Variants in PIK3R3 observed in about 807,000 individuals in gnomAD.
PIK3R3 encodes phosphoinositide-3-kinase regulatory subunit 3.
In PIK3R3, 64 loss-of-function variants were observed where a neutral mutation model predicts 62.9. The observed-to-expected ratio is 1.02, with a 90% confidence interval of 0.83 to 1.25. The LOEUF (loss-of-function observed/expected upper bound fraction) is 1.25, where lower values mean the gene tolerates loss of function less well. Among genes scored for constraint, PIK3R3 ranks in the 50% most tolerant of loss-of-function variants. PIK3R3 has a pLI of 0.00. For missense variants in PIK3R3, 614 were observed against 561.6 expected (o/e 1.09, Z -0.94); for synonymous variants, 165 against 189.0 (o/e 0.87, Z 1.04).
the PIK3R3 span, among the ~76,000 whole-genome samples, chr1:46,149,734 T>C: frequency 6.6e-6 from 1 of 152,102 alleles, no homozygotes; most frequent in Non-Finnish European, 1.5e-5. Flanking sequence ...TTTCGCCAAG[T>C]TGGCCAGGCT....
chr1:46,120,406 T>C (rs1654561438), intron 1 of PIK3R3, among the ~76,000 whole-genome samples: 1 of 152,006 alleles, frequency 6.6e-6, no homozygotes, highest in Non-Finnish European at 1.5e-5. Flanking sequence ...TGAAACCACA[T>C]CTCTACTAAA....
chr1:46,118,871 C>T (rs971156751), intron 1 of PIK3R3, among the ~76,000 whole-genome samples: 2 of 151,780 alleles, frequency 1.3e-5, no homozygotes, highest in Non-Finnish European at 2.9e-5. Flanking sequence ...TCTTTTTTTA[C>T]TACTTTCCCC....
At chr1:46,089,384 G>T (rs182805249) in intron 1 of PIK3R3, among the ~76,000 whole-genome samples, 19 of 152,224 alleles carry the variant, frequency 1.2e-4, no homozygotes, top group Admixed American at 2.6e-4. Context: ...ATATGGCTCT[G>T]TCAGAACCAT....
chr1:46,109,456 G>A (rs889052896), intron 1 of PIK3R3, among the ~76,000 whole-genome samples: 1 of 151,746 alleles, frequency 6.6e-6, no homozygotes, highest in Non-Finnish European at 1.5e-5. Flanking sequence ...ATCTCTACCC[G>A]GCTTACCAGA....
chr1:46,146,165 A>G, the PIK3R3 span, among the ~76,000 whole-genome samples: 1 of 152,186 alleles, frequency 6.6e-6, no homozygotes, highest in Non-Finnish European at 1.5e-5. Context: ...AAGAATCCTA[A>G]GTTCCCTTTA....
intron 3 of PIK3R3, among the ~76,000 whole-genome samples, chr1:46,072,486 G>A (rs1649629601): frequency 6.6e-6 from 1 of 152,174 alleles, no homozygotes; most frequent in African/African-American, 2.4e-5. Context: ...ATAGATACAT[G>A]AAAACTTTCA....
chr1:46,045,252 C>A (rs1647078882), intron 9 of PIK3R3, among the ~76,000 whole-genome samples: 1 of 152,170 alleles, frequency 6.6e-6, no homozygotes, highest in South Asian at 2.1e-4. Context: ...GAGCCAGGAG[C>A]TGAACCCAGT....
intron 8 of PIK3R3, 22 bp from the exon 9 acceptor site, chr1:46,046,110 A>G (rs756720781): frequency 7.2e-7 from 1 of 1,385,730 alleles, no homozygotes; most frequent in Non-Finnish European, 1.0e-6. Flanking sequence ...ATATTAGTAT[A>G]TTATTCTAAC....
intron 1 of PIK3R3, among the ~76,000 whole-genome samples, chr1:46,100,012 T>C (rs950186210): frequency 1.3e-5 from 2 of 152,326 alleles, no homozygotes; most frequent in South Asian, 4.1e-4. Flanking sequence ...GTCTTATTAT[T>C]ATTACTGGTT....
chr1:46,054,268 C>T (rs1350440375), intron 7 of PIK3R3, among the ~76,000 whole-genome samples: 1 of 151,870 alleles, frequency 6.6e-6, no homozygotes. Context: ...GTGGTGCATG[C>T]CTGTATTCCC....
At chr1:46,146,226 T>C in the PIK3R3 span, among the ~76,000 whole-genome samples, 1 of 152,026 alleles carries the variant, frequency 6.6e-6, no homozygotes, top group African/African-American at 2.4e-5. Flanking sequence ...GATCCCAGAG[T>C]AGTACCTGGG....
rs111318729 is a variant in PIK3R3 at position 46,125,648 on chromosome 1, C to T, written c.106+6199G>A. Among the ~76,000 whole-genome samples the T allele has an allele frequency of 1.5e-3, 234 of 152,234 alleles. 4 individuals carry two copies. The highest frequency in any genetic ancestry group is 5.5e-3 in the African/African-American group (230 of 41,546). On this transcript the variant is annotated intron_variant, in intron 1 of 9. Coordinates refer to ENST00000262741, the MANE Select transcript of PIK3R3 (RefSeq NM_003629.4). Reference sequence around the variant, plus strand: ...GTCAAGGTAAGCAAATAAGCTTCTTCGAAACCACCTTTGTGTCTGGCTTCA... The same window carrying T: ...GTCAAGGTAAGCAAATAAGCTTCTTTGAAACCACCTTTGTGTCTGGCTTCA...
intron 3 of PIK3R3, among the ~76,000 whole-genome samples, chr1:46,072,651 A>G (rs1310207513): frequency 6.6e-6 from 1 of 152,212 alleles, no homozygotes; most frequent in Non-Finnish European, 1.5e-5. Context: ...ATATTCATCT[A>G]TTAAATAAGT....
At chr1:46,068,707 C>T (rs1036373665) in intron 3 of PIK3R3, among the ~76,000 whole-genome samples, 2 of 152,074 alleles carry the variant, frequency 1.3e-5, no homozygotes, top group African/African-American at 4.8e-5. Context: ...TTGGCATGTT[C>T]GAGGAACAGC....
intron 1 of PIK3R3, among the ~76,000 whole-genome samples, chr1:46,084,311 G>A (rs1251471382): frequency 6.6e-6 from 1 of 152,152 alleles, no homozygotes. Context: ...TCAGGGTAAT[G>A]AAAATATTCC....
chr1:46,113,405 C>T (rs1428207456), intron 1 of PIK3R3, among the ~76,000 whole-genome samples: 1 of 151,386 alleles, frequency 6.6e-6, no homozygotes, highest in African/African-American at 2.4e-5. Context: ...GGAATCCTCC[C>T]ACTTCAGCCT....
At chr1:46,170,490 G>A in the PIK3R3 span, among the ~76,000 whole-genome samples, 151 of 152,192 alleles carry the variant, frequency 9.9e-4, 1 homozygote, top group African/African-American at 3.5e-3. Context: ...GCATGATCTC[G>A]GCTCACTGCA....
intron 1 of PIK3R3, among the ~76,000 whole-genome samples, chr1:46,082,499 CATA>C (rs1286310344): frequency 6.6e-6 from 1 of 152,138 alleles, no homozygotes; most frequent in African/African-American, 2.4e-5. Flanking sequence ...CTGAGTATGA[CATA>C]GTAGTAGTAC....
the PIK3R3 span, among the ~76,000 whole-genome samples, chr1:46,174,391 C>T: frequency 6.6e-6 from 1 of 152,112 alleles, no homozygotes; most frequent in South Asian, 2.1e-4. Flanking sequence ...CTCAACCCCC[C>T]TCAGGGTCCC....
Sources: gnomAD v4.1 joint callset for allele counts (sites outside exome capture counted in the v4.1 genomes callset) on GRCh38, gnomAD v4.1.1 for gene constraint, MANE v1.5 for transcripts, NCBI Gene and HGNC (gene_info 2026-07-23, HGNC 2026-07-21) for gene names.